Variants in SYT9 observed in about 807,000 individuals in gnomAD.
SYT9 encodes synaptotagmin 9.
A neutral mutation model predicts 48.4 loss-of-function variants in SYT9; 22 were observed. The ratio of observed to expected loss-of-function variants is 0.45; its 90% CI spans 0.32 to 0.65. The LOEUF is 0.65. Ranked by LOEUF, SYT9 falls within the 30% of genes least tolerant of loss-of-function variation. The probability of loss-of-function intolerance (pLI) is 0.03; values close to 1 mark genes in which losing one functional copy is unlikely to be tolerated. For missense variants in SYT9, 577 were observed against 622.0 expected, an observed-to-expected ratio of 0.93 and a Z score of 0.77; for synonymous variants, 265 against 245.0, an observed-to-expected ratio of 1.08 and a Z score of -0.76.
intron 1 of SYT9, among the ~76,000 whole-genome samples, chr11:7,277,345 G>T (rs1260770728): frequency 2.6e-5 from 4 of 152,158 alleles, no homozygotes; most frequent in African/African-American, 9.7e-5. Flanking sequence ...AGTGTAATCT[G>T]CAAAATGTGA....
At chr11:7,444,612 C>T (rs1847895814) in intron 6 of SYT9, 1 of 152,112 alleles carries the variant, frequency 6.6e-6, no homozygotes, top group South Asian at 2.1e-4. Context: ...AGTTTGTTTT[C>T]AGATGGTTTT....
At chr11:7,265,179 T>C (rs1388452390) in intron 1 of SYT9, among the ~76,000 whole-genome samples, 4 of 152,144 alleles carry the variant, frequency 2.6e-5, no homozygotes, top group Non-Finnish European at 4.4e-5. Flanking sequence ...TTATAACTTA[T>C]TAGGTTTACC....
intron 1 of SYT9, among the ~76,000 whole-genome samples, chr11:7,241,067 A>T (rs74053915): frequency 1.1e-4 from 17 of 152,290 alleles, no homozygotes; most frequent in African/African-American, 3.6e-4. Flanking sequence ...AAAGAAAAAA[A>T]CTATATTTTT....
At chr11:7,276,028 G>A (rs1848383536) in intron 1 of SYT9, among the ~76,000 whole-genome samples, 1 of 152,102 alleles carries the variant, frequency 6.6e-6, no homozygotes, top group South Asian at 2.1e-4. Context: ...TTATGTTTGA[G>A]CCAATTTCTG....
At chr11:7,341,699 G>A (rs1849716503) in intron 3 of SYT9, among the ~76,000 whole-genome samples, 1 of 152,136 alleles carries the variant, frequency 6.6e-6, no homozygotes, top group African/African-American at 2.4e-5. Flanking sequence ...AAGCAGAGGA[G>A]TCAAGTTTAA....
intron 3 of SYT9, among the ~76,000 whole-genome samples, chr11:7,380,274 T>G: frequency 6.7e-6 from 1 of 149,526 alleles, no homozygotes; most frequent in African/African-American, 2.5e-5. Context: ...AGTGGAAGGG[T>G]GGAAAGGTGG....
chr11:7,397,808 A>G (rs6578857), intron 3 of SYT9, among the ~76,000 whole-genome samples: 120,982 of 152,108 alleles, frequency 0.8, 48,346 homozygotes, highest in Non-Finnish European at 0.84. Context: ...TTCATTGCTA[A>G]TATATAAAAA....
intron 3 of SYT9, among the ~76,000 whole-genome samples, chr11:7,412,835 T>C (rs907813639): frequency 6.6e-6 from 1 of 152,148 alleles, no homozygotes; most frequent in Non-Finnish European, 1.5e-5. Context: ...TGCTTGCAAG[T>C]GAGTGCCAAT....
At chr11:7,456,925 T>TC (rs111385132) in intron 6 of SYT9, 47,305 of 151,940 alleles carry the variant, frequency 0.31, 8,852 homozygotes, top group African/African-American at 0.51. Flanking sequence ...TCTTATTTGT[T>TC]TTCAATCCAA....
intron 1 of SYT9, among the ~76,000 whole-genome samples, chr11:7,277,008 C>T (rs142112809): frequency 0.026 from 3,971 of 152,110 alleles, 68 homozygotes; most frequent in African/African-American, 0.053. Context: ...GAGCCGAGAT[C>T]GCGCCACTGC....
chr11:7,277,761 T>C (rs897269778), intron 1 of SYT9, among the ~76,000 whole-genome samples: 8 of 152,240 alleles, frequency 5.3e-5, no homozygotes, highest in Admixed American at 1.3e-4. Context: ...TGGAGACCTT[T>C]ATCATCAACT....
chr11:7,371,452 C>A (rs998804113), intron 3 of SYT9, among the ~76,000 whole-genome samples: 44 of 151,822 alleles, frequency 2.9e-4, no homozygotes, highest in African/African-American at 1.0e-3. Flanking sequence ...TTTTTGCTGC[C>A]ATTGAGAGTG....
chr11:7,277,738 C>A (rs1848424310), intron 1 of SYT9, among the ~76,000 whole-genome samples: 1 of 152,208 alleles, frequency 6.6e-6, no homozygotes, highest in South Asian at 2.1e-4. Flanking sequence ...ACTGTGAAAG[C>A]AAATGCTCCT....
chr11:7,294,306 T>C (rs1391672746), intron 1 of SYT9, among the ~76,000 whole-genome samples: 2 of 152,216 alleles, frequency 1.3e-5, no homozygotes, highest in African/African-American at 4.8e-5. Context: ...TCTATGTCCT[T>C]CTTAACTGCA....
intron 6 of SYT9, chr11:7,457,541 A>G (rs1848170052): frequency 6.6e-6 from 1 of 152,248 alleles, no homozygotes; most frequent in African/African-American, 2.4e-5. Context: ...TACAACTTGT[A>G]AAATGATTTT....
intron 6 of SYT9, among the ~76,000 whole-genome samples, chr11:7,425,206 C>G (rs952302306): frequency 3.9e-5 from 6 of 151,940 alleles, no homozygotes; most frequent in African/African-American, 1.2e-4. Flanking sequence ...GGTCTGGGGT[C>G]ATGAAAATGT....
intron 3 of SYT9, among the ~76,000 whole-genome samples, chr11:7,401,592 T>G (rs1846894539): frequency 6.6e-6 from 1 of 151,662 alleles, no homozygotes; most frequent in African/African-American, 2.4e-5. Context: ...AGCTATCTAT[T>G]TTTTCTTTAG....
At chr11:7,388,630 A>G (rs1337123053) in intron 3 of SYT9, among the ~76,000 whole-genome samples, 4 of 152,142 alleles carry the variant, frequency 2.6e-5, no homozygotes, top group Admixed American at 6.6e-5. Context: ...ATATTTCTCA[A>G]TATAATTTTT....
Position 7,468,390 on chromosome 11 carries a change from A to C in SYT9, c.*1590A>C. 2.5e-6 allele frequency: 1 copy of C among 398,358 alleles called. No individual in the cohort carries two copies. Among genetic ancestry groups the C allele is most frequent in the Non-Finnish European group, 4.4e-6 (1 of 225,930 alleles). The allele number at this position is 398,358 out of a possible 1,614,324, so 24.7% of individuals were successfully genotyped here. A position where few individuals can be genotyped will look rare whatever the true frequency, so the allele number is the denominator to read the frequency against. On this transcript the variant is annotated 3_prime_UTR_variant, in exon 7 of 7. Transcript: ENST00000318881. ...AGCAGTGTCATTACATTCAAGCTTC[A>C]CTTCTCTGATTGGCTTCCAACCACT...
Sources: allele counts gnomAD v4.1 joint callset (sites outside exome capture counted in the v4.1 genomes callset), GRCh38; gene constraint gnomAD v4.1.1; transcripts MANE v1.5; gene names NCBI Gene and HGNC (gene_info 2026-07-23, HGNC 2026-07-21).